SLC35F3: variants seen among roughly 807,000 people sequenced by gnomAD.
SLC35F3 encodes the protein solute carrier family 35 member F3.
SLC35F3 carries 25 observed loss-of-function variants against 49.9 expected under a neutral mutation model. That is an observed-to-expected ratio of 0.50 (90% CI 0.37 to 0.70). The LOEUF (loss-of-function observed/expected upper bound fraction) is 0.70. Ranked by LOEUF, SLC35F3 falls within the 30% of genes least tolerant of loss-of-function variation. The pLI, the probability that SLC35F3 is intolerant of heterozygous loss-of-function variation, is 0.00. For synonymous variants in SLC35F3, 275 were observed against 265.4 expected (o/e 1.04, Z -0.35); for missense variants, 525 against 639.8 (o/e 0.82, Z 1.94).
intron 2 of SLC35F3, among the ~76,000 whole-genome samples, chr1:234,075,927 G>C (rs974428334): frequency 6.6e-6 from 1 of 152,112 alleles, no homozygotes; most frequent in Non-Finnish European, 1.5e-5. Flanking sequence ...CCACACCCGC[G>C]CTTTTTTGCT....
At chr1:234,014,738 CAAAAT>C (rs1663776934) in intron 2 of SLC35F3, among the ~76,000 whole-genome samples, 1 of 151,354 alleles carries the variant, frequency 6.6e-6, no homozygotes, top group Non-Finnish European at 1.5e-5. Context: ...CTAACTAAAA[CAAAAT>C]AAAATGCATA....
rs188265430 is a variant in SLC35F3 at position 234,276,203 on chromosome 1, A to C, written c.609-32898A>C. Among the ~76,000 whole-genome samples the C allele has an allele frequency of 4.6e-5, 7 of 152,328 alleles. No individual in the cohort carries two copies. In the East Asian group the frequency reaches 1.3e-3, roughly 29 times the overall value. The stretch of plus-strand genomic sequence containing the variant: ...AAATTCTCATTATAGCCAGTCTGTA[A>C]AGAGAAATGCTAAATTAAGCCTCTT... On this transcript the variant is annotated intron_variant, in intron 3 of 7. Transcript: ENST00000366618.
intron 3 of SLC35F3, among the ~76,000 whole-genome samples, chr1:234,284,168 G>A (rs1668373957): frequency 6.6e-6 from 1 of 152,192 alleles, no homozygotes; most frequent in South Asian, 2.1e-4. Context: ...GCCTCCCAAA[G>A]TGTTGGGATT....
chr1:234,294,121 A>T lies in SLC35F3; in HGVS notation c.609-14980A>T, dbSNP rs919930126. 2.0e-5 allele frequency among the ~76,000 whole-genome samples: 3 copies of T among 152,252 alleles called. No individual in the cohort carries two copies. The South Asian group carries it at 6.2e-4, about 32-fold the overall frequency. On this transcript the variant is annotated intron_variant, in intron 3 of 7. Coordinates refer to ENST00000366618, the MANE Select transcript of SLC35F3 (RefSeq NM_173508.4). ...CCATGTCTTTAAATAGTTTTAACACAGCTCCTGAAAATAGCAAAGAGCATT... is the reference window on the plus strand; with the variant it reads ...CCATGTCTTTAAATAGTTTTAACACTGCTCCTGAAAATAGCAAAGAGCATT...
At chr1:234,013,774 C>G (rs369034012) in intron 2 of SLC35F3, among the ~76,000 whole-genome samples, 55 of 151,052 alleles carry the variant, frequency 3.6e-4, no homozygotes, top group African/African-American at 1.2e-3. Flanking sequence ...ATTACCAAGA[C>G]GGAATTGTGA....
At chr1:234,091,557 C>T (rs893705597) in intron 2 of SLC35F3, among the ~76,000 whole-genome samples, 4 of 152,182 alleles carry the variant, frequency 2.6e-5, no homozygotes, top group Non-Finnish European at 5.9e-5. Context: ...CTGCCCTGCT[C>T]AAAAGGGAGA....
intron 2 of SLC35F3, among the ~76,000 whole-genome samples, chr1:234,148,563 C>A (rs777222679): frequency 2.1e-4 from 32 of 152,084 alleles, no homozygotes; most frequent in Non-Finnish European, 2.9e-5. Context: ...TCATGCTGGG[C>A]TCTGTAGGAT....
intron 2 of SLC35F3, among the ~76,000 whole-genome samples, chr1:234,031,219 C>CA (rs1340361129): frequency 6.6e-6 from 1 of 152,126 alleles, no homozygotes; most frequent in Non-Finnish European, 1.5e-5. Flanking sequence ...GGATTCCACT[C>CA]ACGTTCTCAA....
intron 2 of SLC35F3, among the ~76,000 whole-genome samples, chr1:233,923,066 T>C (rs1662092850): frequency 6.6e-6 from 1 of 152,202 alleles, no homozygotes; most frequent in Non-Finnish European, 1.5e-5. Flanking sequence ...TAGTATAGTT[T>C]AAAGTCAGGT....
intron 2 of SLC35F3, among the ~76,000 whole-genome samples, chr1:233,911,376 G>C (rs1329518676): frequency 6.6e-6 from 1 of 152,206 alleles, no homozygotes; most frequent in African/African-American, 2.4e-5. Context: ...CTTGGCATAT[G>C]AAATATGAGA....
intron 2 of SLC35F3, among the ~76,000 whole-genome samples, chr1:234,220,529 G>A (rs1667188366): frequency 6.6e-6 from 1 of 152,170 alleles, no homozygotes; most frequent in African/African-American, 2.4e-5. Context: ...CTCACAACAT[G>A]CCTCTACAGT....
intron 2 of SLC35F3, among the ~76,000 whole-genome samples, chr1:234,075,604 C>T (rs1190272461): frequency 2.0e-5 from 3 of 152,156 alleles, no homozygotes; most frequent in Non-Finnish European, 4.4e-5. Flanking sequence ...GAAAAGAGGA[C>T]CAAGCTATGC....
chr1:234,133,480 T>C lies in SLC35F3; in HGVS notation c.284-97937T>C, dbSNP rs139980046. Among the ~76,000 whole-genome samples the C allele has an allele frequency of 2.9e-3, 435 of 152,266 alleles. 4 individuals are homozygous for C. Among genetic ancestry groups the C allele is most frequent in the African/African-American group, 9.9e-3 (410 of 41,550 alleles). ...GGCCTGCAGGGTCCCCAGCAGCTCA[T>C]AGTCAAGTTCCCTGCAGCAGATGAC... is the stretch of plus-strand genomic sequence containing the variant. On this transcript the variant is annotated intron_variant, in intron 2 of 7. Coordinates refer to ENST00000366618, the MANE Select transcript of SLC35F3 (RefSeq NM_173508.4).
intron 2 of SLC35F3, among the ~76,000 whole-genome samples, chr1:233,938,409 C>T (rs1662367679): frequency 6.6e-6 from 1 of 152,160 alleles, no homozygotes; most frequent in South Asian, 2.1e-4. Context: ...ATCATATACC[C>T]TTGGCTTAGG....
rs1667362757 is a variant in SLC35F3 at position 234,231,149 on chromosome 1, G to T, written c.284-268G>T. On this transcript the variant is annotated intron_variant, in intron 2 of 7. Coordinates refer to ENST00000366618, the MANE Select transcript of SLC35F3 (RefSeq NM_173508.4). This position sits in a 1 kb window ranked among gnomAD's most constrained non-coding sequence, Gnocchi z 5.4. ...CCCTGAGATTCTGCATTTCCAACACGTTCCGGGGACGGACGGGGAAGGGTG... is the reference window on the plus strand; with the variant it reads ...CCCTGAGATTCTGCATTTCCAACACTTTCCGGGGACGGACGGGGAAGGGTG... 1.3e-5 allele frequency among the ~76,000 whole-genome samples: 2 copies of T among 152,322 alleles called. No homozygotes were observed. Among genetic ancestry groups the T allele is most frequent in the East Asian group, 1.9e-4 (1 of 5,176 alleles).
intron 2 of SLC35F3, among the ~76,000 whole-genome samples, chr1:234,063,471 A>G (rs946540058): frequency 6.6e-6 from 1 of 152,174 alleles, no homozygotes; most frequent in African/African-American, 2.4e-5. Context: ...GATTACCCCT[A>G]TCTTGTCTCC....
At chr1:234,157,889 CTT>C (rs747534993) in intron 2 of SLC35F3, among the ~76,000 whole-genome samples, 1 of 152,056 alleles carries the variant, frequency 6.6e-6, no homozygotes, top group Non-Finnish European at 1.5e-5. Context: ...TGTTGTTTGA[CTT>C]TTTTTTCTTT....
intron 2 of SLC35F3, among the ~76,000 whole-genome samples, chr1:234,174,810 T>C (rs995340082): frequency 1.3e-5 from 2 of 152,242 alleles, no homozygotes; most frequent in African/African-American, 4.8e-5. Context: ...TGCCTATCAA[T>C]TTCATTCAGG....
intron 7 of SLC35F3, among the ~76,000 whole-genome samples, chr1:234,322,647 A>ATG (rs1309324997): frequency 2.3e-5 from 2 of 85,906 alleles, no homozygotes; most frequent in Non-Finnish European, 4.2e-5. Flanking sequence ...CAAGGGTCAA[A>ATG]TGCGTGTGTG....
Sources: allele counts gnomAD v4.1 joint callset (sites outside exome capture counted in the v4.1 genomes callset), GRCh38; gene constraint gnomAD v4.1.1; non-coding constraint Gnocchi (gnomAD v3.1); transcripts MANE v1.5; gene names NCBI Gene and HGNC (gene_info 2026-07-23, HGNC 2026-07-21).